Variants in TEX11 observed in about 807,000 individuals in gnomAD.
TEX11 encodes the protein testis expressed 11.
A neutral mutation model predicts 84.4 loss-of-function variants in TEX11; 7 were observed. That is an observed-to-expected ratio of 0.08 (90% CI 0.05 to 0.16). The LOEUF (loss-of-function observed/expected upper bound fraction) is 0.16, where lower values mean the gene tolerates loss of function less well. Among genes scored for constraint, TEX11 ranks in the 10% least tolerant of loss-of-function variants. The pLI is 1.00. For missense variants in TEX11, 551 were observed against 660.5 expected (o/e 0.83, Z 1.82); for synonymous variants, 264 against 222.8 (o/e 1.18, Z -1.64).
chrX:70,613,620 C>T (rs2089286629), intron 20 of TEX11, among the ~76,000 whole-genome samples: 1 of 111,619 alleles, frequency 9.0e-6, no homozygotes, highest in African/African-American at 3.3e-5. Context: ...GAAAGACAGT[C>T]TAGGCCACAA....
intron 13 of TEX11, among the ~76,000 whole-genome samples, chrX:70,715,754 G>A (rs1202222520): frequency 1.8e-5 from 2 of 111,621 alleles, no homozygotes; most frequent in Admixed American, 9.6e-5. Context: ...CTTTAACTTG[G>A]AGTAGTTTGA....
intron 8 of TEX11, among the ~76,000 whole-genome samples, chrX:70,818,391 A>G (rs2091301186): frequency 1.8e-5 from 2 of 111,677 alleles, no homozygotes; most frequent in South Asian, 7.6e-4. Context: ...TAGGAAGAAC[A>G]GAACAGTTTT....
chrX:70,559,533 C>A (rs1201179220), intron 25 of TEX11, among the ~76,000 whole-genome samples: 1 of 111,850 alleles, frequency 8.9e-6, no homozygotes. Flanking sequence ...TTGAATTGTA[C>A]ACTTTGATGG....
intron 25 of TEX11, among the ~76,000 whole-genome samples, chrX:70,558,955 T>A (rs964595078): frequency 8.9e-6 from 1 of 112,091 alleles, no homozygotes; most frequent in Middle Eastern, 4.2e-3. Flanking sequence ...GGAAGCCTCA[T>A]ACATTGCTGG....
Position 70,603,960 on chromosome X carries a change from G to A in TEX11, c.2067+1441C>T, listed in dbSNP as rs535274403. Among the ~76,000 whole-genome samples, 4 of 112,127 alleles carry A rather than the reference G, an allele frequency of 3.6e-5. No homozygotes were observed. The South Asian group carries it at 1.5e-3, about 41-fold the overall frequency. ...CGATTCATAGGGACCACACTTAGATGATAAAAGGCAGAAGTGCATCTTCAA... is the reference window on the plus strand; with the variant it reads ...CGATTCATAGGGACCACACTTAGATAATAAAAGGCAGAAGTGCATCTTCAA... On this transcript the variant is annotated intron_variant, in intron 24 of 29. Coordinates refer to ENST00000374333, the MANE Select transcript of TEX11 (RefSeq NM_031276.3).
At chrX:70,740,559 A>T (rs1199985812) in intron 11 of TEX11, 142 bp downstream of exon 11, 2 of 349,241 alleles carry the variant, frequency 5.7e-6, no homozygotes, top group Non-Finnish European at 9.8e-6. Context: ...GCAATATTTT[A>T]TTTTTCCTTT....
intron 9 of TEX11, among the ~76,000 whole-genome samples, chrX:70,801,887 C>T (rs917924003): frequency 1.8e-5 from 2 of 110,685 alleles, no homozygotes; most frequent in Non-Finnish European, 3.8e-5. Context: ...TATTCCAGCT[C>T]ATAAAGGAAA....
intron 11 of TEX11, among the ~76,000 whole-genome samples, chrX:70,737,333 A>G (rs761649406): frequency 2.5e-4 from 28 of 111,313 alleles, no homozygotes; most frequent in African/African-American, 7.2e-4. Flanking sequence ...GTTTTAAGTG[A>G]AAAGAGTATA....
At chrX:70,598,448 C>A (rs747443499) in intron 24 of TEX11, among the ~76,000 whole-genome samples, 1 of 111,621 alleles carries the variant, frequency 9.0e-6, no homozygotes, top group Non-Finnish European at 1.9e-5. Flanking sequence ...TTGAAAAACT[C>A]CAGCATTCCT....
chrX:70,528,681 A>T (rs890485480), downstream of TEX11, among the ~76,000 whole-genome samples: 2 of 110,751 alleles, frequency 1.8e-5, no homozygotes, highest in African/African-American at 6.6e-5. Context: ...TTAGAGAGAG[A>T]TTTCATGAAT....
At chrX:70,519,514 C>A in the TEX11 span, among the ~76,000 whole-genome samples, 1 of 111,883 alleles carries the variant, frequency 8.9e-6, no homozygotes, top group Non-Finnish European at 1.9e-5. Flanking sequence ...CTTTGTGGGT[C>A]ACCTAACCTT....
At chrX:70,825,304 TCA>T (rs1054972239) in intron 8 of TEX11, among the ~76,000 whole-genome samples, 1 of 108,134 alleles carries the variant, frequency 9.2e-6, no homozygotes, top group African/African-American at 3.4e-5. Flanking sequence ...AGAGGGAGAC[TCA>T]GTCTCAAAAA....
chrX:70,728,279 C>G (rs1010615694), intron 11 of TEX11, among the ~76,000 whole-genome samples: 1 of 112,184 alleles, frequency 8.9e-6, no homozygotes, highest in African/African-American at 3.2e-5. Flanking sequence ...AACTGAGGTA[C>G]TGGGTGCATC....
intron 8 of TEX11, among the ~76,000 whole-genome samples, chrX:70,825,040 G>A (rs188767682): frequency 4.5e-5 from 5 of 111,864 alleles, no homozygotes; most frequent in Admixed American, 2.9e-4. Context: ...GGGGTTGGGT[G>A]TGTTGGCTCA....
Position 70,770,243 on chromosome X carries a change from G to A in TEX11, c.693-26024C>T, listed in dbSNP as rs1002924351. ...CTTGTGGGATGGAACATCAATATTT[G>A]TGCACGTAAATACATTTATAATTTC... On this transcript the variant is annotated intron_variant, in intron 9 of 29. Coordinates refer to ENST00000374333, the MANE Select transcript of TEX11 (RefSeq NM_031276.3). Among the ~76,000 whole-genome samples the A allele has an allele frequency of 9.9e-5, 11 of 111,599 alleles. No homozygotes were observed. In the Admixed American group the frequency reaches 1.0e-3, roughly 11 times the overall value.
intron 25 of TEX11, among the ~76,000 whole-genome samples, chrX:70,579,854 T>A (rs960723119): frequency 2.7e-5 from 3 of 111,886 alleles, no homozygotes; most frequent in African/African-American, 9.8e-5. Context: ...AAACAAATGC[T>A]GGCGATGACA....
intron 13 of TEX11, among the ~76,000 whole-genome samples, chrX:70,685,342 G>C (rs1226892098): frequency 8.9e-6 from 1 of 111,828 alleles, no homozygotes; most frequent in Non-Finnish European, 1.9e-5. Context: ...CTCTAGCTTG[G>C]GTGTTGGAGT....
intron 9 of TEX11, among the ~76,000 whole-genome samples, chrX:70,802,360 A>C (rs956912467): frequency 3.7e-5 from 4 of 108,518 alleles, no homozygotes; most frequent in Non-Finnish European, 5.7e-5. Flanking sequence ...ATTACTAATA[A>C]AATTCTGTTA....
At chrX:70,651,668 A>G (rs745850449) in intron 16 of TEX11, 116 bp from the exon 17 acceptor site, 237 of 456,845 alleles carry the variant, frequency 5.2e-4, no homozygotes, top group Non-Finnish European at 6.4e-4. Flanking sequence ...ATGAAAATAT[A>G]TGAATCTAAG....
Sources: allele counts gnomAD v4.1 joint callset (sites outside exome capture counted in the v4.1 genomes callset), GRCh38; gene constraint gnomAD v4.1.1; transcripts MANE v1.5; gene names NCBI Gene and HGNC (gene_info 2026-07-23, HGNC 2026-07-21).